CCSER1: variants seen among roughly 807,000 people sequenced by gnomAD.
The protein encoded by CCSER1 is coiled-coil serine rich protein 1.
Under a neutral mutation model 82.0 loss-of-function variants are expected in CCSER1, and 41 were observed. That is an observed-to-expected ratio of 0.50 (90% CI 0.39 to 0.65). CCSER1 has a LOEUF of 0.65. Ranked by LOEUF, CCSER1 falls within the 30% of genes least tolerant of loss-of-function variation. CCSER1 has a pLI of 0.00. For missense variants in CCSER1, 1,119 were observed against 1,064.2 expected, an observed-to-expected ratio of 1.05 and a Z score of -0.72; for synonymous variants, 414 against 383.9, an observed-to-expected ratio of 1.08 and a Z score of -0.92.
intron 10 of CCSER1, among the ~76,000 whole-genome samples, chr4:91,120,694 G>A (rs1208361538): frequency 6.6e-6 from 1 of 151,912 alleles, no homozygotes; most frequent in East Asian, 1.9e-4. Flanking sequence ...CAGACAGAGG[G>A]TAGTTGAATC....
At chr4:90,539,516 C>T (rs545302913) in intron 5 of CCSER1, among the ~76,000 whole-genome samples, 57 of 152,024 alleles carry the variant, frequency 3.7e-4, no homozygotes, top group Non-Finnish European at 7.1e-4. Flanking sequence ...GGCAATTACA[C>T]GTTTACATTC....
chr4:90,893,790 T>TGGG (rs1172805579), intron 8 of CCSER1, among the ~76,000 whole-genome samples: 2 of 127,024 alleles, frequency 1.6e-5, no homozygotes, highest in Admixed American at 7.6e-5. Context: ...TGTGTGTGTG[T>TGGG]GTGGGGGGTG....
At chr4:90,931,332 T>C (rs998724484) in intron 9 of CCSER1, among the ~76,000 whole-genome samples, 1 of 152,028 alleles carries the variant, frequency 6.6e-6, no homozygotes, top group Non-Finnish European at 1.5e-5. Flanking sequence ...ATTAACACAA[T>C]GTTTAAAATG....
chr4:90,451,320 C>T (rs1000347426), intron 4 of CCSER1, among the ~76,000 whole-genome samples: 3 of 152,156 alleles, frequency 2.0e-5, no homozygotes, highest in African/African-American at 7.2e-5. Context: ...CTAGGAGGTA[C>T]TGGATGCCCC....
intron 10 of CCSER1, among the ~76,000 whole-genome samples, chr4:91,201,184 A>C (rs1340243065): frequency 6.6e-6 from 1 of 152,058 alleles, no homozygotes; most frequent in Non-Finnish European, 1.5e-5. Flanking sequence ...ACACATTGCA[A>C]GAATTCAACT....
chr4:90,308,399 G>A lies in CCSER1; in HGVS notation c.115G>A (p.Val39Ile). 6.2e-7 allele frequency: 1 copy of A among 1,613,746 alleles called. No individual in the cohort carries two copies. Among genetic ancestry groups the A allele is most frequent in the Middle Eastern group, 1.7e-4 (1 of 6,060 alleles). The change falls in exon 2 of 11, where the codon GTT (valine) becomes ATT (isoleucine). Residue 39 changes from valine (V) to isoleucine (I), a missense_variant. Transcript: ENST00000509176. ...LPSSPSSSNT[V>I]GVHSSSPSST... ...TTCTTCACCTTCTTCCAGTAATACA[G>A]TTGGTGTCCACAGTTCCTCTCCTTC...
At chr4:90,699,400 G>A (rs1737594634) in intron 6 of CCSER1, among the ~76,000 whole-genome samples, 1 of 152,134 alleles carries the variant, frequency 6.6e-6, no homozygotes, top group Admixed American at 6.6e-5. Context: ...GGGAGGTGAA[G>A]GTTACAGTGA....
chr4:91,089,048 G>A (rs984641569), intron 10 of CCSER1, among the ~76,000 whole-genome samples: 4 of 152,156 alleles, frequency 2.6e-5, no homozygotes, highest in African/African-American at 9.7e-5. Context: ...AGGTAGTGAA[G>A]GAAGTAGCTT....
chr4:90,807,239 A>G lies in CCSER1; in HGVS notation c.2011-8523A>G, dbSNP rs1190724563. ...ACCTGCATCCTACTATGCTAATATTAATATTTCCTTTGCAATGTAGAGCAG... is the reference window on the plus strand; with the variant it reads ...ACCTGCATCCTACTATGCTAATATTGATATTTCCTTTGCAATGTAGAGCAG... On this transcript the variant is annotated intron_variant, in intron 7 of 10. Transcript: ENST00000509176. Among the ~76,000 whole-genome samples, 3 of 152,136 alleles carry G rather than the reference A, an allele frequency of 2.0e-5. No homozygotes were observed. In the East Asian group the frequency reaches 5.8e-4, roughly 29 times the overall value.
At chr4:91,496,735 T>TTCA (rs1758897681) in intron 10 of CCSER1, among the ~76,000 whole-genome samples, 1 of 72,180 alleles carries the variant, frequency 1.4e-5, no homozygotes, top group African/African-American at 4.5e-5. Context: ...TATATATATA[T>TTCA]ATTGAATATA....
intron 10 of CCSER1, among the ~76,000 whole-genome samples, chr4:91,150,258 A>G (rs1415080280): frequency 1.3e-5 from 2 of 152,334 alleles, no homozygotes; most frequent in Non-Finnish European, 2.9e-5. Flanking sequence ...TTGAGAGTTC[A>G]CTTATGATTT....
At chr4:91,139,473 A>AT (rs1728820221) in intron 10 of CCSER1, among the ~76,000 whole-genome samples, 1 of 152,152 alleles carries the variant, frequency 6.6e-6, no homozygotes, top group Admixed American at 6.6e-5. Flanking sequence ...GTGCGCTGCG[A>AT]TTTGCATTTT....
chr4:90,206,086 C>A (rs1285113174), intron 1 of CCSER1, among the ~76,000 whole-genome samples: 1 of 151,026 alleles, frequency 6.6e-6, no homozygotes, highest in Non-Finnish European at 1.5e-5. Context: ...ATTCTTCTCT[C>A]TTTTCTTCTT....
intron 7 of CCSER1, among the ~76,000 whole-genome samples, chr4:90,787,131 C>G (rs543854935): frequency 5.9e-5 from 9 of 152,200 alleles, no homozygotes; most frequent in Non-Finnish European, 1.3e-4. Flanking sequence ...TTCAGATATC[C>G]TAAAGCTCTT....
chr4:90,952,459 C>T (rs11730705), intron 9 of CCSER1, among the ~76,000 whole-genome samples: 4,302 of 151,976 alleles, frequency 0.028, 165 homozygotes, highest in African/African-American at 0.087. Flanking sequence ...AATTATCCTG[C>T]CCACCAGGTT....
At chr4:90,246,036 T>C (rs1281796909) in intron 1 of CCSER1, among the ~76,000 whole-genome samples, 7 of 152,192 alleles carry the variant, frequency 4.6e-5, no homozygotes, top group Admixed American at 4.6e-4. Context: ...GGAGGGAGAA[T>C]TATTATTTAC....
At chr4:91,098,771 G>C (rs1402504829) in intron 10 of CCSER1, among the ~76,000 whole-genome samples, 1 of 152,116 alleles carries the variant, frequency 6.6e-6, no homozygotes, top group Non-Finnish European at 1.5e-5. Flanking sequence ...TGGATCTCCT[G>C]ATGTCGTGAT....
At chr4:91,027,898 T>A (rs1740632087) in intron 9 of CCSER1, among the ~76,000 whole-genome samples, 1 of 152,102 alleles carries the variant, frequency 6.6e-6, no homozygotes, top group Non-Finnish European at 1.5e-5. Flanking sequence ...ATAGCTTGAA[T>A]ACATTCTGTC....
At chr4:90,706,579 G>C (rs1354565337) in intron 6 of CCSER1, among the ~76,000 whole-genome samples, 2 of 152,188 alleles carry the variant, frequency 1.3e-5, no homozygotes, top group Non-Finnish European at 2.9e-5. Context: ...TCAGCTGTTA[G>C]GGCTAGAGAG....
Sources: allele counts gnomAD v4.1 joint callset (sites outside exome capture counted in the v4.1 genomes callset), GRCh38; gene constraint gnomAD v4.1.1; transcripts MANE v1.5; gene names NCBI Gene and HGNC (gene_info 2026-07-23, HGNC 2026-07-21).